SNAP25: variants seen among roughly 807,000 people sequenced by gnomAD.
SNAP25 encodes the protein synaptosome associated protein 25.
SNAP25 carries 3 observed loss-of-function variants against 28.7 expected under a neutral mutation model. The ratio of observed to expected loss-of-function variants is 0.10; its 90% confidence interval spans 0.05 to 0.27. The LOEUF (loss-of-function observed/expected upper bound fraction) is 0.27. Among genes scored for constraint, SNAP25 ranks in the 10% least tolerant of loss-of-function variants. The pLI is 1.00. For synonymous variants in SNAP25, 61 were observed against 88.1 expected, an observed-to-expected ratio of 0.69 and a Z score of 1.72; for missense variants, 117 against 278.7, an observed-to-expected ratio of 0.42 and a Z score of 4.13.
intron 1 of SNAP25, among the ~76,000 whole-genome samples, chr20:10,266,551 T>G (rs1001296042): frequency 3.3e-5 from 5 of 152,180 alleles, no homozygotes; most frequent in African/African-American, 1.2e-4. Context: ...TTGTTGCTGT[T>G]GTTTTGGTTT....
At chr20:10,260,889 A>G (rs760248121) in intron 1 of SNAP25, among the ~76,000 whole-genome samples, 1 of 152,206 alleles carries the variant, frequency 6.6e-6, no homozygotes, top group African/African-American at 2.4e-5. Flanking sequence ...AGGCAAAAGG[A>G]GTTGAAACAC....
chr20:10,274,913 G>T (rs192419943), intron 1 of SNAP25, among the ~76,000 whole-genome samples: 2 of 152,138 alleles, frequency 1.3e-5, no homozygotes, highest in African/African-American at 4.8e-5. Context: ...GCAGGGGCCA[G>T]TGGGTGGGTA....
intron 1 of SNAP25, among the ~76,000 whole-genome samples, chr20:10,273,706 A>C (rs2063638212): frequency 6.6e-6 from 1 of 152,232 alleles, no homozygotes. Context: ...TGGGAATTAG[A>C]AATGTAATTC....
At chr20:10,297,536 A>C (rs1391323299) in intron 6 of SNAP25, among the ~76,000 whole-genome samples, 1 of 152,198 alleles carries the variant, frequency 6.6e-6, no homozygotes, top group Non-Finnish European at 1.5e-5. Flanking sequence ...GACTAATAAC[A>C]AGGAATGGTG....
At chr20:10,274,376 A>G (rs1175256398) in intron 1 of SNAP25, among the ~76,000 whole-genome samples, 1 of 152,200 alleles carries the variant, frequency 6.6e-6, no homozygotes, top group African/African-American at 2.4e-5. Flanking sequence ...GCTTCTAAAC[A>G]CAATGGAACA....
intron 3 of SNAP25, among the ~76,000 whole-genome samples, chr20:10,282,780 G>A (rs1212516066): frequency 1.3e-5 from 2 of 152,162 alleles, no homozygotes; most frequent in East Asian, 1.9e-4. Flanking sequence ...CCCTATGCCC[G>A]AATAGCCATC....
chr20:10,292,915 A>T (rs763041525), intron 4 of SNAP25: 1 of 1,613,032 alleles, frequency 6.2e-7, no homozygotes, highest in Non-Finnish European at 8.5e-7. Flanking sequence ...GGCATGAACC[A>T]TATCAACCAA....
At chr20:10,246,311 T>C (rs2063126312) in intron 1 of SNAP25, among the ~76,000 whole-genome samples, 1 of 152,142 alleles carries the variant, frequency 6.6e-6, no homozygotes, top group Non-Finnish European at 1.5e-5. Context: ...CATCTGTGCA[T>C]GTATGTGAGG....
intron 3 of SNAP25, among the ~76,000 whole-genome samples, chr20:10,282,158 AGGAT>A (rs879805105): frequency 0.017 from 1,186 of 68,308 alleles, 27 homozygotes; most frequent in Middle Eastern, 0.024. Context: ...GAAGGAAGGA[AGGAT>A]GGAAGGAAGG....
intron 3 of SNAP25, among the ~76,000 whole-genome samples, chr20:10,282,148 GA>G (rs2063788642): frequency 5.6e-5 from 5 of 89,054 alleles, no homozygotes; most frequent in African/African-American, 3.1e-4. Context: ...AGGAAGGAGG[GA>G]AGGAAGGAAG....
At chr20:10,286,293 G>T (rs765618795) in intron 4 of SNAP25, among the ~76,000 whole-genome samples, 1 of 152,056 alleles carries the variant, frequency 6.6e-6, no homozygotes, top group Non-Finnish European at 1.5e-5. Context: ...CCTCATTTGG[G>T]GTCCCCTGGG....
chr20:10,258,993 G>A (rs363060), intron 1 of SNAP25, among the ~76,000 whole-genome samples: 3,993 of 152,182 alleles, frequency 0.026, 177 homozygotes, highest in African/African-American at 0.092. Context: ...ATAATTTTCC[G>A]GAGAGTTTAA....
intron 1 of SNAP25, among the ~76,000 whole-genome samples, chr20:10,250,095 A>G (rs1440243388): frequency 6.6e-6 from 1 of 152,128 alleles, no homozygotes; most frequent in Non-Finnish European, 1.5e-5. Context: ...CATCCTTCTT[A>G]AAGAAAAAAA....
intron 1 of SNAP25, among the ~76,000 whole-genome samples, chr20:10,253,431 G>A (rs929382175): frequency 1.3e-5 from 2 of 152,102 alleles, no homozygotes; most frequent in Non-Finnish European, 2.9e-5. Flanking sequence ...GCTACTTACC[G>A]AACCCCTCTG....
At position 10,306,349 on chromosome 20, in the gene SNAP25, A is replaced by C; in HGVS notation, c.*152A>C. The C allele has an allele frequency of 3.2e-6, 2 of 632,004 alleles. No homozygotes were observed. Among genetic ancestry groups the C allele is most frequent in the Admixed American group, 5.3e-5 (2 of 37,878 alleles). The allele number at this position is 632,004 out of a possible 1,614,324, so 39.1% of individuals were successfully genotyped here. On this transcript the variant is annotated 3_prime_UTR_variant, in exon 8 of 8. Transcript: ENST00000254976. ...TCCTGTGTCATCTGTCAGCTTCCCA[A>C]CAATACTTTGTGTCTTTTGTTCTCT...
At chr20:10,284,426 T>A (rs1308666317) in intron 3 of SNAP25, among the ~76,000 whole-genome samples, 1 of 152,158 alleles carries the variant, frequency 6.6e-6, no homozygotes, top group Non-Finnish European at 1.5e-5. Context: ...AAAATTACAG[T>A]ATAATATGAA....
rs960640515 is a variant in SNAP25 at position 10,284,762 on chromosome 20, T to C, written c.153T>C (p.Asp51=). 1.9e-6 allele frequency: 3 copies of C among 1,612,788 alleles called. No individual in the cohort carries two copies. The highest frequency in any genetic ancestry group is 1.7e-6 in the Non-Finnish European group (2 of 1,179,004). The change falls in exon 4 of 8, where the codon GAT becomes GAC. Residue 51 remains aspartate (D), a synonymous_variant. Transcript: ENST00000254976. ...DAGIRTLVML[D]EQGEQLERIE... ...GTATCAGGACTTTGGTTATGTTGGA[T>C]GAACAAGGAGGTAAGTTCAGATTTC...
chr20:10,304,928 T>C (rs1206272890), intron 7 of SNAP25, among the ~76,000 whole-genome samples: 1 of 152,198 alleles, frequency 6.6e-6, no homozygotes, highest in Non-Finnish European at 1.5e-5. Flanking sequence ...TATGAAATTA[T>C]TAGAGTAGTA....
At chr20:10,283,730 T>C (rs2063823311) in intron 3 of SNAP25, among the ~76,000 whole-genome samples, 2 of 152,222 alleles carry the variant, frequency 1.3e-5, no homozygotes, top group South Asian at 4.1e-4. Flanking sequence ...AGAGAGGTCC[T>C]AGCTTAGAAT....
Sources: gnomAD v4.1 joint callset for allele counts (sites outside exome capture counted in the v4.1 genomes callset) on GRCh38, gnomAD v4.1.1 for gene constraint, MANE v1.5 for transcripts, NCBI Gene and HGNC (gene_info 2026-07-23, HGNC 2026-07-21) for gene names.